The following ALOX5 variants were observed in gnomAD, a reference collection of about 807,000 sequenced individuals.
The protein encoded by ALOX5 is arachidonate 5-lipoxygenase, also known as polyunsaturated fatty acid 5-lipoxygenase.
Under a neutral mutation model 87.9 loss-of-function variants are expected in ALOX5, and 64 were observed. The ratio of observed to expected loss-of-function variants is 0.73; its 90% CI spans 0.60 to 0.90. The LOEUF is 0.90. Among genes scored for constraint, ALOX5 ranks in the 40% least tolerant of loss-of-function variants. ALOX5 has a pLI of 0.00. For synonymous variants in ALOX5, 388 were observed against 355.1 expected, an observed-to-expected ratio of 1.09 and a Z score of -1.04; for missense variants, 822 against 907.5, an observed-to-expected ratio of 0.91 and a Z score of 1.21.
intron 7 of ALOX5, among the ~76,000 whole-genome samples, chr10:45,436,102 A>G (rs1451190995): frequency 6.6e-6 from 1 of 152,106 alleles, no homozygotes; most frequent in East Asian, 1.9e-4. Flanking sequence ...TCCTTTGCCC[A>G]CTTTTTAATG....
At chr10:45,409,507 C>CTG (rs1331228877) in intron 3 of ALOX5, among the ~76,000 whole-genome samples, 1 of 118,426 alleles carries the variant, frequency 8.4e-6, no homozygotes. Flanking sequence ...CTCTGTCTGT[C>CTG]TGTCTCTCTC....
At position 45,445,813 on chromosome 10, in the gene ALOX5, C is replaced by T; in HGVS notation, c.*126C>T. On this transcript the variant is annotated 3_prime_UTR_variant, in exon 14 of 14. Coordinates refer to ENST00000374391, the MANE Select transcript of ALOX5 (RefSeq NM_000698.5). ...TCTTCCTCCGAGGCCAGTACCTTTC[C>T]ATTTATTCTTTGATCTTCAGGGAAC... 9.5e-7 allele frequency: 1 copy of T among 1,054,946 alleles called. No homozygotes were observed. The highest frequency in any genetic ancestry group is 2.4e-5 in the East Asian group (1 of 40,888). 65.3% of individuals were successfully genotyped at this position (1,054,946 alleles called of 1,614,324 possible).
intron 3 of ALOX5, among the ~76,000 whole-genome samples, chr10:45,409,581 C>G (rs1328989570): frequency 1.3e-5 from 2 of 151,202 alleles, no homozygotes; most frequent in African/African-American, 4.9e-5. Context: ...CTCTCTCTCT[C>G]TCTCTCTGTC....
At position 45,409,559 on chromosome 10, in the gene ALOX5, C is replaced by G. The variant is rs569025355; in HGVS notation, c.432-2632C>G. ...TGTCTCTCTGTCTCTCTTGCTTTCT[C>G]TCTCTCTCTTTCTCTCTCTCTCTCT... is the stretch of plus-strand genomic sequence containing the variant. On this transcript the variant is annotated intron_variant, in intron 3 of 13. Transcript: ENST00000374391. Among the ~76,000 whole-genome samples the G allele has an allele frequency of 4.7e-4, 71 of 149,616 alleles. 1 individual carries two copies. The highest frequency in any genetic ancestry group is 1.6e-3 in the African/African-American group (65 of 39,930).
At chr10:45,415,652 C>T (rs577370511) in intron 4 of ALOX5, among the ~76,000 whole-genome samples, 91 of 152,096 alleles carry the variant, frequency 6.0e-4, no homozygotes, top group Admixed American at 1.6e-3. Flanking sequence ...TGCCTTTTTC[C>T]GAAGATGTCT....
chr10:45,394,574 G>A (rs1840428654), intron 2 of ALOX5, among the ~76,000 whole-genome samples: 2 of 152,150 alleles, frequency 1.3e-5, no homozygotes, highest in Admixed American at 6.5e-5. Context: ...AACACCAAAA[G>A]CAATGGCAAC....
chr10:45,379,091 G>A (rs1032165786), intron 1 of ALOX5, among the ~76,000 whole-genome samples: 2 of 152,074 alleles, frequency 1.3e-5, no homozygotes, highest in Non-Finnish European at 2.9e-5. Context: ...CAGTCTCTTC[G>A]TGTGGGTCGT....
chr10:45,387,195 C>T (rs965205461), intron 2 of ALOX5, among the ~76,000 whole-genome samples: 2 of 152,150 alleles, frequency 1.3e-5, no homozygotes, highest in Non-Finnish European at 2.9e-5. Flanking sequence ...AGTGACAGAG[C>T]CCAAGTCCAA....
At position 45,441,245 on chromosome 10, in the gene ALOX5, A is replaced by G; in HGVS notation, c.1186-99A>G. The stretch of plus-strand genomic sequence containing the variant: ...TCACTTCCTCCCTGCGCCCAGCATC[A>G]TCCTATAGGGCAGGCCTGGGTGGGG... On this transcript the variant is annotated intron_variant, in intron 8 of 13. Coordinates refer to ENST00000374391, the MANE Select transcript of ALOX5 (RefSeq NM_000698.5). The G allele has an allele frequency of 2.9e-6, 3 of 1,019,526 alleles. No homozygotes were observed. The East Asian group carries it at 7.2e-5, about 24-fold the overall frequency. The allele number at this position is 1,019,526 out of a possible 1,614,324, so 63.2% of individuals were successfully genotyped here. A position where few individuals can be genotyped will look rare whatever the true frequency, so the allele number is the denominator to read the frequency against.
At chr10:45,398,760 A>T (rs974596607) in intron 3 of ALOX5, among the ~76,000 whole-genome samples, 1 of 152,232 alleles carries the variant, frequency 6.6e-6, no homozygotes, top group African/African-American at 2.4e-5. Context: ...CAACACCACA[A>T]TGAGATACCA....
At chr10:45,437,911 A>G (rs1842106077) in intron 7 of ALOX5, among the ~76,000 whole-genome samples, 1 of 152,254 alleles carries the variant, frequency 6.6e-6, no homozygotes, top group African/African-American at 2.4e-5. Context: ...CTTTCTGCAG[A>G]AAGTAAAATT....
chr10:45,387,158 C>T (rs567188001), intron 2 of ALOX5, among the ~76,000 whole-genome samples: 2 of 152,262 alleles, frequency 1.3e-5, no homozygotes, highest in Non-Finnish European at 2.9e-5. Flanking sequence ...GTGAGGGGGT[C>T]AGGGCAACTC....
chr10:45,444,717 A>T (rs1276727590), intron 13 of ALOX5: 5 of 173,084 alleles, frequency 2.9e-5, no homozygotes, highest in Non-Finnish European at 6.1e-5. Context: ...TCAGTACTGC[A>T]TAGAATGGCC....
At chr10:45,402,352 C>T (rs777674315) in intron 3 of ALOX5, among the ~76,000 whole-genome samples, 1 of 152,104 alleles carries the variant, frequency 6.6e-6, no homozygotes, top group Non-Finnish European at 1.5e-5. Flanking sequence ...CAAAAACATT[C>T]CTTGAAACAG....
intron 2 of ALOX5, among the ~76,000 whole-genome samples, chr10:45,388,569 C>T (rs989901632): frequency 1.3e-5 from 2 of 152,230 alleles, no homozygotes; most frequent in African/African-American, 2.4e-5. Context: ...TGCTGATACT[C>T]GGGCAAACAG....
intron 4 of ALOX5, among the ~76,000 whole-genome samples, chr10:45,416,916 A>T (rs920899440): frequency 5.3e-5 from 8 of 151,726 alleles, no homozygotes; most frequent in Non-Finnish European, 1.0e-4. Context: ...GGATGGAAGT[A>T]TAGACAGAGA....
At chr10:45,380,540 C>A (rs764751031) in intron 1 of ALOX5, among the ~76,000 whole-genome samples, 2 of 152,196 alleles carry the variant, frequency 1.3e-5, no homozygotes, top group African/African-American at 4.8e-5. Context: ...TGCCTGCGCT[C>A]GCACAAAGGA....
chr10:45,430,247 C>T (rs1841862911), intron 7 of ALOX5, among the ~76,000 whole-genome samples: 1 of 152,168 alleles, frequency 6.6e-6, no homozygotes, highest in Non-Finnish European at 1.5e-5. Flanking sequence ...GCTGTGGGAC[C>T]TTGAGCAAGC....
chr10:45,397,980 G>C (rs1265936449), intron 3 of ALOX5, among the ~76,000 whole-genome samples: 1 of 152,140 alleles, frequency 6.6e-6, no homozygotes, highest in Non-Finnish European at 1.5e-5. Context: ...TGCAGAAATT[G>C]ACAAGCTGTC....
Sources: allele counts gnomAD v4.1 joint callset (sites outside exome capture counted in the v4.1 genomes callset), GRCh38; gene constraint gnomAD v4.1.1; transcripts MANE v1.5; gene names NCBI Gene and HGNC (gene_info 2026-07-23, HGNC 2026-07-21).